Variants in CREB3L1 observed in about 807,000 individuals in gnomAD.
CREB3L1 encodes cyclic AMP-responsive element-binding protein 3-like protein 1.
A neutral mutation model predicts 54.5 loss-of-function variants in CREB3L1; 33 were observed. That is an observed-to-expected ratio of 0.61 (90% CI 0.46 to 0.81). The LOEUF (loss-of-function observed/expected upper bound fraction) is 0.81. Ranked by LOEUF, CREB3L1 falls within the 30% of genes least tolerant of loss-of-function variation. The probability of loss-of-function intolerance (pLI) is 0.00; values close to 1 mark genes in which losing one functional copy is unlikely to be tolerated. For missense variants in CREB3L1, 656 were observed against 673.3 expected (o/e 0.97, Z 0.29); for synonymous variants, 284 against 286.4 (o/e 0.99, Z 0.08).
At chr11:46,319,941 G>A (rs971385045) in intron 10 of CREB3L1, among the ~76,000 whole-genome samples, 3 of 151,554 alleles carry the variant, frequency 2.0e-5, no homozygotes, top group Non-Finnish European at 4.4e-5. Flanking sequence ...GCTCCCAGAT[G>A]CCCAAACTCA....
At chr11:46,296,360 G>A (rs1411630562) in intron 1 of CREB3L1, among the ~76,000 whole-genome samples, 2 of 152,082 alleles carry the variant, frequency 1.3e-5, no homozygotes, top group Non-Finnish European at 2.9e-5. Context: ...GGGCAGCCCT[G>A]GACTTCACCA....
At chr11:46,304,465 C>A (rs1374052685) in intron 2 of CREB3L1, among the ~76,000 whole-genome samples, 1 of 152,034 alleles carries the variant, frequency 6.6e-6, no homozygotes, top group Admixed American at 6.6e-5. Context: ...GAGCGAAATT[C>A]CATCTCAAAG....
At position 46,313,957 on chromosome 11, in the gene CREB3L1, C is replaced by T. The variant is rs148703844; in HGVS notation, c.1031+1038C>T. Among the ~76,000 whole-genome samples, 1,342 of 152,244 alleles carry T rather than the reference C, an allele frequency of 8.8e-3. 18 individuals carry two copies. The highest frequency in any genetic ancestry group is 0.031 in the African/African-American group (1,274 of 41,542). On this transcript the variant is annotated intron_variant, in intron 8 of 11. Transcript: ENST00000621158. The stretch of plus-strand genomic sequence containing the variant: ...ATGATAGAAACATTATCTCATAGGG[C>T]CAGGCACAGTGGCTTACGCCTGTAA...
At chr11:46,316,114 G>C (rs914870711) in intron 8 of CREB3L1, 172 bp from the exon 9 acceptor site, 11 of 546,388 alleles carry the variant, frequency 2.0e-5, no homozygotes, top group African/African-American at 1.9e-4. Context: ...GCAGGCCCCA[G>C]GCGCCAGGCC....
At chr11:46,306,165 T>C (rs1939394184) in intron 2 of CREB3L1, among the ~76,000 whole-genome samples, 1 of 152,134 alleles carries the variant, frequency 6.6e-6, no homozygotes, top group Non-Finnish European at 1.5e-5. Flanking sequence ...TGCCTCAGCC[T>C]CCCAAAGCTG....
chr11:46,298,156 G>A (rs1015211363), intron 1 of CREB3L1, among the ~76,000 whole-genome samples: 1 of 152,166 alleles, frequency 6.6e-6, no homozygotes, highest in Non-Finnish European at 1.5e-5. Flanking sequence ...CATGCAGACA[G>A]ACTCATGTGG....
At chr11:46,317,012 G>GT (rs911072834) in intron 9 of CREB3L1, among the ~76,000 whole-genome samples, 1 of 152,176 alleles carries the variant, frequency 6.6e-6, no homozygotes, top group African/African-American at 2.4e-5. Flanking sequence ...TGATGTGGCG[G>GT]TGTGTCCCCC....
At position 46,278,001 on chromosome 11, in the gene CREB3L1, G is replaced by A. The variant is rs1001907141; in HGVS notation, c.-111G>A. ...GCCCCTCCCCCGGGGCTTCGCCCCG[G>A]ACCTGCCCCCCGCCCGTTTGCCAGC... On this transcript the variant is annotated 5_prime_UTR_variant, in exon 1 of 12. Transcript: ENST00000621158. The surrounding 1 kb of genome is among the most constrained non-coding windows in gnomAD (Gnocchi z 4.2). The A allele has an allele frequency of 1.6e-5, 7 of 447,122 alleles. No homozygotes were observed. The highest frequency in any genetic ancestry group is 1.0e-4 in the African/African-American group (5 of 47,728). The allele number at this position is 447,122 out of a possible 1,614,324, so 27.7% of individuals were successfully genotyped here. A position where few individuals can be genotyped will look rare whatever the true frequency, so the allele number is the denominator to read the frequency against.
At chr11:46,299,249 T>C (rs1939256664) in intron 1 of CREB3L1, among the ~76,000 whole-genome samples, 1 of 152,144 alleles carries the variant, frequency 6.6e-6, no homozygotes, top group Non-Finnish European at 1.5e-5. Flanking sequence ...CAGCACTGAA[T>C]CATAGCTAGA....
At chr11:46,318,838 G>C (rs1356312175) in intron 10 of CREB3L1, among the ~76,000 whole-genome samples, 2 of 152,194 alleles carry the variant, frequency 1.3e-5, no homozygotes, top group Non-Finnish European at 1.5e-5. Context: ...GATATAGCAG[G>C]GAGGATGAGC....
In CREB3L1 at chr11:46,320,985, C is replaced by T. The variant is rs1405544205; in HGVS notation, c.*239C>T. On this transcript the variant is annotated 3_prime_UTR_variant, in exon 12 of 12. Coordinates refer to ENST00000621158, the MANE Select transcript of CREB3L1 (RefSeq NM_052854.4). Reference sequence around the variant, plus strand: ...CCGTCCTTCTCAGACAAACCACTCACTGGGTACCCCACCTCCTCTCTCATA... The same window carrying T: ...CCGTCCTTCTCAGACAAACCACTCATTGGGTACCCCACCTCCTCTCTCATA... The T allele has an allele frequency of 6.1e-6, 4 of 653,938 alleles. No homozygotes were observed. The highest frequency in any genetic ancestry group is 3.5e-5 in the African/African-American group (2 of 56,418). The allele number at this position is 653,938 out of a possible 1,614,324, so 40.5% of individuals were successfully genotyped here. A position where few individuals can be genotyped will look rare whatever the true frequency, so the allele number is the denominator to read the frequency against.
At chr11:46,293,156 AGG>A (rs1939154227) in intron 1 of CREB3L1, among the ~76,000 whole-genome samples, 1 of 152,248 alleles carries the variant, frequency 6.6e-6, no homozygotes, top group Non-Finnish European at 1.5e-5. Context: ...TATTCTCCAG[AGG>A]CCCCTGCGCC....
At chr11:46,314,254 A>G (rs1939533921) in intron 8 of CREB3L1, among the ~76,000 whole-genome samples, 1 of 146,394 alleles carries the variant, frequency 6.8e-6, no homozygotes, top group South Asian at 2.1e-4. Context: ...AAAAAAAAAG[A>G]AAGAAAAGAA....
chr11:46,299,783 A>G (rs1422612978), intron 1 of CREB3L1, among the ~76,000 whole-genome samples, 152 bp from the exon 2 acceptor site: 2 of 152,150 alleles, frequency 1.3e-5, no homozygotes, highest in Non-Finnish European at 2.9e-5. Context: ...GAGATTGGTG[A>G]TGTTGCTGAT....
chr11:46,315,565 C>T lies in CREB3L1; in HGVS notation c.1032-721C>T, dbSNP rs1256715852. 4 of 192,150 alleles carry T rather than the reference C, an allele frequency of 2.1e-5. No individual in the cohort carries two copies. In the East Asian group the frequency reaches 3.2e-4, roughly 16 times the overall value. 11.9% of individuals were successfully genotyped at this position (192,150 alleles called of 1,614,324 possible). ...AAGCAAAAATGGCTGGGCACGGTGG[C>T]CCATGCCTGTAATCCCAACACTTTG... On this transcript the variant is annotated intron_variant, in intron 8 of 11. Transcript: ENST00000621158.
In CREB3L1 at chr11:46,299,936, A is replaced by G. The variant is rs764415914; in HGVS notation, c.104A>G (p.His35Arg). 2.5e-6 allele frequency: 4 copies of G among 1,612,544 alleles called. No homozygotes were observed. The African/African-American group carries it at 5.3e-5, about 22-fold the overall frequency. The change falls in exon 2 of 12, where the codon CAC becomes CGC. Residue 35 changes from histidine (H) to arginine (R), a missense_variant and splice_region_variant. Physicochemically the swap from His to Arg is conservative, Grantham distance 29. Around this residue, in one of 3 missense-constraint regions of CREB3L1, gnomAD observed 339 missense variants for 331.5 expected, o/e 1.02. Coordinates refer to ENST00000621158, the MANE Select transcript of CREB3L1 (RefSeq NM_052854.4). The stretch of plus-strand genomic sequence containing the variant: ...TCCCCTCACCTCTTCCTTCCCTAGC[A>G]CTTTCCTGAGCACCTGGACCACTTT... ...LNESDFLNNAHFPEHLDHFTE... is the reference protein window; with the variant it reads ...LNESDFLNNARFPEHLDHFTE...
rs1394654629 is a variant in CREB3L1 at position 46,278,580 on chromosome 11, C to A, written c.102+367C>A. Among the ~76,000 whole-genome samples the A allele has an allele frequency of 6.6e-6, 1 of 152,238 alleles. No homozygotes were observed. The highest frequency in any genetic ancestry group is 1.5e-5 in the Non-Finnish European group (1 of 68,040). ...GTGGCAGCGCCCTTTCCTGCGCCTC[C>A]CTTGGGGCTTCGGTGGCTCATAGGC... On this transcript the variant is annotated intron_variant, in intron 1 of 11. Coordinates refer to ENST00000621158, the MANE Select transcript of CREB3L1 (RefSeq NM_052854.4). This position sits in a 1 kb window ranked among gnomAD's most constrained non-coding sequence, Gnocchi z 4.2.
In CREB3L1 at chr11:46,300,170, G is replaced by A. The variant is rs1368719579; in HGVS notation, c.331+7G>A. On this transcript the variant is annotated splice_region_variant and intron_variant, in intron 2 of 11. Coordinates refer to ENST00000621158, the MANE Select transcript of CREB3L1 (RefSeq NM_052854.4). Reference sequence around the variant, plus strand: ...ATGGAGGACACCACCCAAGGTAAGAGGTGGAAGAACCTGGGGACAGCACAG... The same window carrying A: ...ATGGAGGACACCACCCAAGGTAAGAAGTGGAAGAACCTGGGGACAGCACAG... 5 of 1,605,592 alleles carry A rather than the reference G, an allele frequency of 3.1e-6. No individual in the cohort carries two copies. The highest frequency in any genetic ancestry group is 4.3e-6 in the Non-Finnish European group (5 of 1,175,284).
chr11:46,299,345 G>GA (rs1939258623), intron 1 of CREB3L1, among the ~76,000 whole-genome samples: 1 of 152,138 alleles, frequency 6.6e-6, no homozygotes, highest in East Asian at 1.9e-4. Flanking sequence ...AAAGGAGAGA[G>GA]ACCCCGAAGT....
Sources: allele counts gnomAD v4.1 joint callset (sites outside exome capture counted in the v4.1 genomes callset), GRCh38; gene constraint gnomAD v4.1.1; regional missense constraint gnomAD v4.1.1; non-coding constraint Gnocchi (gnomAD v3.1); transcripts MANE v1.5; gene names NCBI Gene and HGNC (gene_info 2026-07-23, HGNC 2026-07-21).